The following AGAP1 variants were observed in gnomAD, a reference collection of about 807,000 sequenced individuals.
The protein encoded by AGAP1 is ArfGAP with GTPase domain, ankyrin repeat and PH domain 1, also known as arf-GAP with GTPase, ANK repeat and PH domain-containing protein 1.
In AGAP1, 29 loss-of-function variants were observed where a neutral mutation model predicts 105.3. That is an observed-to-expected ratio of 0.28 (90% CI 0.21 to 0.38). The LOEUF is 0.38. AGAP1 is among the 10% of genes least tolerant of loss of function. The pLI, the probability that AGAP1 is intolerant of heterozygous loss-of-function variation, is 1.00. For synonymous variants in AGAP1, 509 were observed against 485.9 expected (o/e 1.05, Z -0.63); for missense variants, 998 against 1,165.1 (o/e 0.86, Z 2.09).
intron 1 of AGAP1, chr2:235,670,650 C>T (rs1948351261): frequency 6.3e-6 from 4 of 638,534 alleles, no homozygotes; most frequent in African/African-American, 1.9e-5. Context: ...CTGGCCTGGG[C>T]GCCGTGCGAC....
rs1285786570 is a variant in AGAP1 at position 235,883,700 on chromosome 2, A to C, written c.1155+251A>C. The stretch of plus-strand genomic sequence containing the variant: ...TCTACAAAGAATTACAATAAAAGGC[A>C]CAGATGAAGTAAAATTTTAGATGAG... On this transcript the variant is annotated intron_variant, in intron 10 of 17. Coordinates refer to ENST00000304032, the MANE Select transcript of AGAP1 (RefSeq NM_001037131.3). The surrounding 1 kb of genome is among the most constrained non-coding windows in gnomAD (Gnocchi z 4.5). Among the ~76,000 whole-genome samples, 1 of 152,246 alleles carries C rather than the reference A, an allele frequency of 6.6e-6. No homozygotes were observed. The highest frequency in any genetic ancestry group is 1.5e-5 in the Non-Finnish European group (1 of 68,052).
rs2053829049 is a variant in AGAP1 at position 235,953,553 on chromosome 2, G to A, written c.1484-14909G>A. Among the ~76,000 whole-genome samples, 1 of 152,046 alleles carries A rather than the reference G, an allele frequency of 6.6e-6. No individual in the cohort carries two copies. Among genetic ancestry groups the A allele is most frequent in the South Asian group, 2.1e-4 (1 of 4,820 alleles). ...ATTACTCAAATTTTGTTTGTTCTTT[G>A]TGCTGCAGTGGTCTTACTTGGCAAC... On this transcript the variant is annotated intron_variant, in intron 12 of 17. Transcript: ENST00000304032. The surrounding 1 kb of genome is among the most constrained non-coding windows in gnomAD (Gnocchi z 5.2).
In AGAP1 at chr2:236,027,657, G is replaced by T. The variant is rs185120449; in HGVS notation, c.1646-8904G>T. On this transcript the variant is annotated intron_variant, in intron 13 of 17. Coordinates refer to ENST00000304032, the MANE Select transcript of AGAP1 (RefSeq NM_001037131.3). This position sits in a 1 kb window ranked among gnomAD's most constrained non-coding sequence, Gnocchi z 4.4. ...AGCAGCGCCATTGCCTCTTGATTTGGGAGCTGATGCTGGACCCCGCATTGA... is the reference window on the plus strand; with the variant it reads ...AGCAGCGCCATTGCCTCTTGATTTGTGAGCTGATGCTGGACCCCGCATTGA... Among the ~76,000 whole-genome samples, 55 of 152,186 alleles carry T rather than the reference G, an allele frequency of 3.6e-4. No individual in the cohort carries two copies. The highest frequency in any genetic ancestry group is 1.3e-3 in the African/African-American group (53 of 41,506).
rs1398551173 is a variant in AGAP1 at position 236,050,761 on chromosome 2, CTA to C, written c.2114+1482_2114+1483del. On this transcript the variant is annotated intron_variant, in intron 16 of 17. Coordinates refer to ENST00000304032, the MANE Select transcript of AGAP1 (RefSeq NM_001037131.3). This position sits in a 1 kb window ranked among gnomAD's most constrained non-coding sequence, Gnocchi z 4.0. The stretch of plus-strand genomic sequence containing the variant: ...TTTATATGTAAAAGAAGCACATTCA[CTA>C]TTTTTAATATCATGAATTATTAGAA... Among the ~76,000 whole-genome samples, 5 of 152,296 alleles carry C rather than the reference CTA, an allele frequency of 3.3e-5. No individual in the cohort carries two copies. In the East Asian group the frequency reaches 9.6e-4, roughly 29 times the overall value.
At position 235,959,822 on chromosome 2, in the gene AGAP1, T is replaced by C. The variant is rs1017994320; in HGVS notation, c.1484-8640T>C. On this transcript the variant is annotated intron_variant, in intron 12 of 17. Transcript: ENST00000304032. The surrounding 1 kb of genome is among the most constrained non-coding windows in gnomAD (Gnocchi z 7.3). ...TGTGCCACTTTCCCCACTGGCTGCC[T>C]GTCCGCTCCTGCCAAACCTGCTCCC... is the stretch of plus-strand genomic sequence containing the variant. Among the ~76,000 whole-genome samples the C allele has an allele frequency of 6.6e-6, 1 of 152,146 alleles. No individual in the cohort carries two copies. Among genetic ancestry groups the C allele is most frequent in the African/African-American group, 2.4e-5 (1 of 41,440 alleles).
chr2:235,924,209 C>A (rs1415165887), intron 11 of AGAP1, among the ~76,000 whole-genome samples: 1 of 152,122 alleles, frequency 6.6e-6, no homozygotes, highest in East Asian at 1.9e-4. Context: ...AAGGCAGTAT[C>A]TCCCCTTTCC....
rs542252635 is a variant in AGAP1 at position 236,090,550 on chromosome 2, C to T, written c.2115-29642C>T. Among the ~76,000 whole-genome samples, 3 of 152,196 alleles carry T rather than the reference C, an allele frequency of 2.0e-5. No homozygotes were observed. Among genetic ancestry groups the T allele is most frequent in the South Asian group, 2.1e-4 (1 of 4,818 alleles). ...CGGGCTTTGCCAAGCGAGTGAGAGG[C>T]GGGGGTCGGAGGGAGGCCTTCCTCC... is the stretch of plus-strand genomic sequence containing the variant. On this transcript the variant is annotated intron_variant, in intron 16 of 17. Transcript: ENST00000304032. This position sits in a 1 kb window ranked among gnomAD's most constrained non-coding sequence, Gnocchi z 4.3.
intron 1 of AGAP1, among the ~76,000 whole-genome samples, chr2:235,570,716 A>G (rs766068870): frequency 1.3e-5 from 2 of 152,360 alleles, no homozygotes; most frequent in East Asian, 3.9e-4. Flanking sequence ...AAGACCATTT[A>G]GGTTCCAGCT....
At position 235,985,401 on chromosome 2, in the gene AGAP1, C is replaced by T. The variant is rs1357360786; in HGVS notation, c.1645+16778C>T. Reference sequence around the variant, plus strand: ...AATTTTTCTCCCATTCTGTAGGTTGCCTGTTCACTCTGATGATAGTTTCTT... The same window carrying T: ...AATTTTTCTCCCATTCTGTAGGTTGTCTGTTCACTCTGATGATAGTTTCTT... On this transcript the variant is annotated intron_variant, in intron 13 of 17. Transcript: ENST00000304032. Among the ~76,000 whole-genome samples the T allele has an allele frequency of 3.3e-5, 5 of 152,224 alleles. No individual in the cohort carries two copies. In the East Asian group the frequency reaches 9.7e-4, roughly 29 times the overall value.
chr2:235,661,871 G>T (rs529515817), intron 1 of AGAP1, among the ~76,000 whole-genome samples: 6 of 152,174 alleles, frequency 3.9e-5, no homozygotes, highest in Admixed American at 1.3e-4. Context: ...AGAAGGAGGC[G>T]CCAGGAGGCA....
At chr2:235,594,713 A>AG (rs1945461810) in intron 1 of AGAP1, among the ~76,000 whole-genome samples, 2 of 151,882 alleles carry the variant, frequency 1.3e-5, no homozygotes, top group African/African-American at 2.4e-5. Context: ...CAGGGATTAC[A>AG]GATGCATGCC....
intron 6 of AGAP1, among the ~76,000 whole-genome samples, chr2:235,794,524 T>C (rs985523625): frequency 2.0e-5 from 3 of 152,146 alleles, no homozygotes; most frequent in Non-Finnish European, 2.9e-5. Context: ...CAGGCTGGAG[T>C]GCAGTGGCAT....
chr2:235,971,131 G>A lies in AGAP1; in HGVS notation c.1645+2508G>A, dbSNP rs527389725. Among the ~76,000 whole-genome samples, 18 of 152,246 alleles carry A rather than the reference G, an allele frequency of 1.2e-4. No individual in the cohort carries two copies. The highest frequency in any genetic ancestry group is 2.2e-4 in the African/African-American group (9 of 41,536). ...AGGAGAGTCTGGTCTCTACGTCAGC[G>A]GCTATGACATCTTTCCAATAGCAAA... On this transcript the variant is annotated intron_variant, in intron 13 of 17. Coordinates refer to ENST00000304032, the MANE Select transcript of AGAP1 (RefSeq NM_001037131.3). The surrounding 1 kb of genome is among the most constrained non-coding windows in gnomAD (Gnocchi z 4.8).
At position 235,877,733 on chromosome 2, in the gene AGAP1, A is replaced by G. The variant is rs529360895; in HGVS notation, c.1051-5612A>G. Among the ~76,000 whole-genome samples, 1 of 152,338 alleles carries G rather than the reference A, an allele frequency of 6.6e-6. No individual in the cohort carries two copies. The highest frequency in any genetic ancestry group is 2.1e-4 in the South Asian group (1 of 4,824). ...TTGGAGAAATTATGGTTCCAGAGAAAATGACAGGTTTCCCTTGCATCTCAA... is the reference window on the plus strand; with the variant it reads ...TTGGAGAAATTATGGTTCCAGAGAAGATGACAGGTTTCCCTTGCATCTCAA... On this transcript the variant is annotated intron_variant, in intron 9 of 17. Coordinates refer to ENST00000304032, the MANE Select transcript of AGAP1 (RefSeq NM_001037131.3). This position sits in a 1 kb window ranked among gnomAD's most constrained non-coding sequence, Gnocchi z 4.3.
At position 235,799,932 on chromosome 2, in the gene AGAP1, G is replaced by A. The variant is rs1201040737; in HGVS notation, c.957+410G>A. Among the ~76,000 whole-genome samples, 2 of 151,942 alleles carry A rather than the reference G, an allele frequency of 1.3e-5. No individual in the cohort carries two copies. Among genetic ancestry groups the A allele is most frequent in the Non-Finnish European group, 2.9e-5 (2 of 67,994 alleles). On this transcript the variant is annotated intron_variant, in intron 8 of 17. Coordinates refer to ENST00000304032, the MANE Select transcript of AGAP1 (RefSeq NM_001037131.3). The surrounding 1 kb of genome is among the most constrained non-coding windows in gnomAD (Gnocchi z 5.0). ...TCTTCTTCTTCTGCTGGGGTGCCTGGCGCTGCCCTCGGGGTGGAGGTGGGG... is the reference window on the plus strand; with the variant it reads ...TCTTCTTCTTCTGCTGGGGTGCCTGACGCTGCCCTCGGGGTGGAGGTGGGG...
chr2:236,063,351 A>G (rs2058259277), intron 16 of AGAP1, among the ~76,000 whole-genome samples: 1 of 152,144 alleles, frequency 6.6e-6, no homozygotes, highest in Admixed American at 6.5e-5. Context: ...TCGACCTCCC[A>G]AAGTGCTGGG....
chr2:235,617,530 T>C (rs537106784), intron 1 of AGAP1, among the ~76,000 whole-genome samples: 1 of 152,134 alleles, frequency 6.6e-6, no homozygotes, highest in Non-Finnish European at 1.5e-5. Context: ...GGTGAAACTC[T>C]GTCTCTACTA....
chr2:235,795,835 C>T (rs867189809), intron 6 of AGAP1, among the ~76,000 whole-genome samples: 5 of 152,290 alleles, frequency 3.3e-5, no homozygotes, highest in Non-Finnish European at 5.9e-5. Context: ...TGATGAGAGG[C>T]TTTGTTGTAG....
chr2:235,590,405 C>T (rs1051696691), intron 1 of AGAP1, among the ~76,000 whole-genome samples: 1 of 152,080 alleles, frequency 6.6e-6, no homozygotes, highest in Middle Eastern at 3.2e-3. Context: ...GGTGTCTGCA[C>T]CTCCTAGGGA....
Sources: allele counts gnomAD v4.1 joint callset (sites outside exome capture counted in the v4.1 genomes callset), GRCh38; gene constraint gnomAD v4.1.1; non-coding constraint Gnocchi (gnomAD v3.1); transcripts MANE v1.5; gene names NCBI Gene and HGNC (gene_info 2026-07-23, HGNC 2026-07-21).